ADGRV1: variants seen among roughly 807,000 people sequenced by gnomAD.
ADGRV1 encodes G-protein coupled receptor 98.
In ADGRV1, 359 loss-of-function variants were observed where a neutral mutation model predicts 596.2. That is an observed-to-expected ratio of 0.60 (90% CI 0.55 to 0.66). ADGRV1 has a LOEUF of 0.66. Ranked by LOEUF, ADGRV1 falls within the 30% of genes least tolerant of loss-of-function variation. The pLI, the probability that ADGRV1 is intolerant of heterozygous loss-of-function variation, is 0.00. For synonymous variants in ADGRV1, 2,681 were observed against 2,679.2 expected, an observed-to-expected ratio of 1.00 and a Z score of -0.02; for missense variants, 7,274 against 7,575.6, an observed-to-expected ratio of 0.96 and a Z score of 1.48.
chr5:90,822,695 A>G (rs1238135313), intron 75 of ADGRV1, among the ~76,000 whole-genome samples: 3 of 152,144 alleles, frequency 2.0e-5, no homozygotes, highest in African/African-American at 7.2e-5. Flanking sequence ...TGGGGTTGGC[A>G]TTGAATCTAT....
intron 1 of ADGRV1, among the ~76,000 whole-genome samples, chr5:90,595,684 G>A (rs1191070799): frequency 3.9e-5 from 5 of 127,096 alleles, no homozygotes; most frequent in South Asian, 5.5e-4. Context: ...CCTCCCTCCC[G>A]GACGGGGCGG....
At chr5:90,664,180 T>C (rs1332152189) in intron 21 of ADGRV1, among the ~76,000 whole-genome samples, 1 of 148,770 alleles carries the variant, frequency 6.7e-6, no homozygotes, top group African/African-American at 2.5e-5. Context: ...GGGGATGGCA[T>C]TGAATCTGTA....
intron 28 of ADGRV1, among the ~76,000 whole-genome samples, chr5:90,684,789 G>A (rs1200673161): frequency 6.6e-6 from 1 of 152,134 alleles, no homozygotes; most frequent in African/African-American, 2.4e-5. Context: ...TGAATTTTGA[G>A]GCAGGAGAAC....
chr5:90,823,683 C>T, intron 76 of ADGRV1, 87 bp downstream of exon 76: 2 of 1,164,900 alleles, frequency 1.7e-6, no homozygotes, highest in Admixed American at 2.1e-5. Context: ...GAAACTTACA[C>T]ATTGTTGATA....
At chr5:90,667,906 C>T (rs1355166808) in intron 21 of ADGRV1, among the ~76,000 whole-genome samples, 3 of 152,020 alleles carry the variant, frequency 2.0e-5, no homozygotes, top group Non-Finnish European at 4.4e-5. Context: ...GGGGGTGCCT[C>T]CCAGTTAGGC....
chr5:90,973,785 G>A (rs371552198), intron 84 of ADGRV1, among the ~76,000 whole-genome samples: 1 of 152,050 alleles, frequency 6.6e-6, no homozygotes, highest in Non-Finnish European at 1.5e-5. Flanking sequence ...CCTTTGAAAA[G>A]TGGCACAAGA....
chr5:90,629,267 A>G lies in ADGRV1; in HGVS notation c.1567A>G (p.Met523Val), dbSNP rs190835338. The change falls in exon 9 of 90, where the codon ATG becomes GTG. Residue 523 changes from methionine to valine, a missense_variant. Physicochemically the swap from Met to Val is conservative, Grantham distance 21 (BLOSUM62 1). This residue lies in a region of ADGRV1 where 1,715 missense variants were observed against 1,708.8 expected (regional missense o/e 1.00). Transcript: ENST00000405460. ...DVYGLITFFP[M>V]ENQKIESSPG... ...CTATGGCCTAATAACATTTTTTCCT[A>G]TGGAAAACCAGAAGATTGAAAGCAG... 4.5e-5 allele frequency: 73 copies of G among 1,611,290 alleles called. No individual in the cohort carries two copies. In the East Asian group the frequency reaches 1.2e-3, roughly 28 times the overall value.
chr5:91,141,090 G>A (rs1795059072), intron 87 of ADGRV1, among the ~76,000 whole-genome samples: 1 of 152,152 alleles, frequency 6.6e-6, no homozygotes, highest in Non-Finnish European at 1.5e-5. Context: ...AAACCTTGGT[G>A]TATAAAAAGA....
At chr5:90,782,016 C>G (rs908680891) in intron 65 of ADGRV1, among the ~76,000 whole-genome samples, 3 of 152,086 alleles carry the variant, frequency 2.0e-5, no homozygotes, top group African/African-American at 7.2e-5. Flanking sequence ...TCGAAACAGT[C>G]CCCAGTAGCA....
chr5:91,104,183 C>T (rs1295938616), intron 87 of ADGRV1, among the ~76,000 whole-genome samples: 5 of 151,840 alleles, frequency 3.3e-5, no homozygotes, highest in Admixed American at 3.3e-4. Context: ...AAAAAAAGAG[C>T]AGCTCTAAGT....
At chr5:90,726,537 G>A (rs540548315) in intron 48 of ADGRV1, among the ~76,000 whole-genome samples, 24 of 152,158 alleles carry the variant, frequency 1.6e-4, no homozygotes, top group African/African-American at 5.8e-4. Context: ...GTGTTTTTCT[G>A]TGTAATCATT....
At chr5:90,910,263 T>C (rs1477294017) in intron 83 of ADGRV1, among the ~76,000 whole-genome samples, 1 of 152,160 alleles carries the variant, frequency 6.6e-6, no homozygotes, top group East Asian at 1.9e-4. Flanking sequence ...TTAGCCACAC[T>C]TAGAGCAAAA....
chr5:90,771,574 G>C (rs748904733), intron 59 of ADGRV1, among the ~76,000 whole-genome samples: 5 of 152,000 alleles, frequency 3.3e-5, no homozygotes, highest in Non-Finnish European at 5.9e-5. Flanking sequence ...TACATCATAG[G>C]ATAAAAATTA....
chr5:90,863,352 A>C (rs753249216), intron 82 of ADGRV1, among the ~76,000 whole-genome samples: 26 of 152,236 alleles, frequency 1.7e-4, no homozygotes, highest in Admixed American at 5.2e-4. Flanking sequence ...TTAAGTTAAA[A>C]GTCATTGTGG....
chr5:90,764,053 T>C (rs1305334839), intron 59 of ADGRV1, among the ~76,000 whole-genome samples: 1 of 152,120 alleles, frequency 6.6e-6, no homozygotes, highest in East Asian at 1.9e-4. Flanking sequence ...AAAGCGATCA[T>C]GTTGGAATGT....
intron 87 of ADGRV1, among the ~76,000 whole-genome samples, chr5:91,141,963 G>T (rs968799496): frequency 6.6e-6 from 1 of 152,154 alleles, no homozygotes; most frequent in Non-Finnish European, 1.5e-5. Context: ...TGACCATACC[G>T]CCAGGAAGAC....
intron 84 of ADGRV1, among the ~76,000 whole-genome samples, chr5:90,969,872 T>C (rs1485110430): frequency 6.6e-6 from 1 of 152,052 alleles, no homozygotes; most frequent in Non-Finnish European, 1.5e-5. Flanking sequence ...GATCGGACAG[T>C]GGAGGCAGGA....
At chr5:90,958,586 G>A (rs1189845396) in intron 83 of ADGRV1, among the ~76,000 whole-genome samples, 4 of 152,124 alleles carry the variant, frequency 2.6e-5, no homozygotes, top group African/African-American at 9.7e-5. Context: ...CTGAGTTGAA[G>A]GTGTCTTCAG....
At chr5:90,858,491 C>A (rs1163193673) in intron 82 of ADGRV1, among the ~76,000 whole-genome samples, 2 of 151,150 alleles carry the variant, frequency 1.3e-5, no homozygotes, top group East Asian at 3.9e-4. Context: ...TTTTTTGAGA[C>A]AGAGCACCAC....
Sources: allele counts gnomAD v4.1 joint callset (sites outside exome capture counted in the v4.1 genomes callset), GRCh38; gene constraint gnomAD v4.1.1; regional missense constraint gnomAD v4.1.1; transcripts MANE v1.5; gene names NCBI Gene and HGNC (gene_info 2026-07-23, HGNC 2026-07-21).